The following FCRL4 variants were observed in gnomAD, a reference collection of about 807,000 sequenced individuals.
FCRL4 encodes Fc receptor like 4, also known as Fc receptor-like protein 4.
A neutral mutation model predicts 64.1 loss-of-function variants in FCRL4; 43 were observed. That is an observed-to-expected ratio of 0.67 (90% CI 0.53 to 0.87). The LOEUF (loss-of-function observed/expected upper bound fraction) is 0.87. FCRL4 is among the 40% of genes least tolerant of loss of function. FCRL4 has a pLI of 0.00. For missense variants in FCRL4, 656 were observed against 613.5 expected, an observed-to-expected ratio of 1.07 and a Z score of -0.73; for synonymous variants, 253 against 239.8, an observed-to-expected ratio of 1.05 and a Z score of -0.51.
At chr1:157,595,819 G>C (rs1652949734) in intron 2 of FCRL4, among the ~76,000 whole-genome samples, 1 of 152,164 alleles carries the variant, frequency 6.6e-6, no homozygotes, top group South Asian at 2.1e-4. Context: ...ATAGAGGATG[G>C]GACTTTTTGC....
chr1:157,589,252 C>A lies in FCRL4; in HGVS notation c.259G>T (p.Ala87Ser). 6.2e-7 allele frequency: 1 copy of A among 1,614,148 alleles called. No homozygotes were observed. Among genetic ancestry groups the A allele is most frequent in the East Asian group, 2.2e-5 (1 of 44,878 alleles). Residue 87 changes from alanine (A) to serine (S), a missense_variant, in exon 3 of 12, where the codon GCC becomes TCC. By Grantham distance (99) the Ala-to-Ser change is moderately conservative (BLOSUM62 1). Coordinates refer to ENST00000271532, the MANE Select transcript of FCRL4 (RefSeq NM_031282.3). ...GGGTTACTTCGTGGGGAGCCCCGGGCCTGGCATCTGTACAGTCCAGATTCC... is the reference window on the plus strand; with the variant it reads ...GGGTTACTTCGTGGGGAGCCCCGGGACTGGCATCTGTACAGTCCAGATTCC... ...VRESGLYRCQ[A>S]RGSPRSNPVR...
chr1:157,586,387 G>C lies in FCRL4; in HGVS notation c.916C>G (p.Leu306Val). ...SGGQAVEGEM[L>V]VLVCSVAEGT... Reference sequence around the variant, plus strand: ...TCAGCCACGGAGCAGACAAGGACCAGCATCTCCCCTTCAACAGCCTGGCCC... The same window carrying C: ...TCAGCCACGGAGCAGACAAGGACCACCATCTCCCCTTCAACAGCCTGGCCC... The change falls in exon 6 of 12, where the codon CTG (leucine) becomes GTG (valine). Residue 306 changes from leucine (L) to valine (V), a missense_variant. Coordinates refer to ENST00000271532, the MANE Select transcript of FCRL4 (RefSeq NM_031282.3). 6.2e-7 allele frequency: 1 copy of C among 1,613,240 alleles called. No homozygotes were observed.
At chr1:157,597,851 G>C in intron 1 of FCRL4, 63 bp downstream of exon 1, 1 of 1,361,712 alleles carries the variant, frequency 7.3e-7, no homozygotes, top group East Asian at 2.3e-5. Context: ...GCAGAAAAGA[G>C]GGCTTTTGCT....
At chr1:157,588,948 T>G (rs969715101) in intron 3 of FCRL4, among the ~76,000 whole-genome samples, 9 of 152,254 alleles carry the variant, frequency 5.9e-5, no homozygotes, top group African/African-American at 2.2e-4. Flanking sequence ...CAGCTTCATT[T>G]TTGTACTCCC....
At chr1:157,595,775 A>G (rs941162647) in intron 2 of FCRL4, among the ~76,000 whole-genome samples, 1 of 152,210 alleles carries the variant, frequency 6.6e-6, no homozygotes, top group Non-Finnish European at 1.5e-5. Flanking sequence ...GGTGCTCTAT[A>G]GGAATGGCCA....
intron 8 of FCRL4, among the ~76,000 whole-genome samples, 164 bp downstream of exon 8, chr1:157,580,157 A>T (rs185697726): frequency 5.3e-5 from 8 of 152,364 alleles, no homozygotes; most frequent in Admixed American, 5.2e-4. Context: ...CTGACAAGCA[A>T]AGTTCTAGGA....
rs374057011 is a variant in FCRL4, at chr1:157,587,895, T to G, written c.532A>C (p.Arg178=). 179 of 1,608,640 alleles carry G rather than the reference T, an allele frequency of 1.1e-4. 1 individual carries two copies. The highest frequency in any genetic ancestry group is 1.5e-4 in the Non-Finnish European group (173 of 1,176,040). Residue 178 remains arginine (R), a synonymous_variant, in exon 4 of 12, where the codon AGA becomes CGA. Transcript: ENST00000271532. ...ATTTTAATTATTTTGAAATTTGATC[T>G]AAATACATCATTCTCGTCTCCATAT... is the stretch of plus-strand genomic sequence containing the variant. ...IGYGDENDVF[R]SNFKIIKIQE...
chr1:157,578,856 T>C lies in FCRL4; in HGVS notation c.1278-4A>G. The stretch of plus-strand genomic sequence containing the variant: ...TGGGCCTGGAGCGGGAGGGAGCCTG[T>C]GAGACACAGAAACACATAATAATCC... On this transcript the variant is annotated splice_polypyrimidine_tract_variant and splice_region_variant and intron_variant, in intron 8 of 11. Transcript: ENST00000271532. 3 of 1,610,144 alleles carry C rather than the reference T, an allele frequency of 1.9e-6. No homozygotes were observed. The highest frequency in any genetic ancestry group is 1.7e-6 in the Non-Finnish European group (2 of 1,178,016).
In FCRL4 at chr1:157,575,453, T is replaced by G. The variant is rs947524153; in HGVS notation, c.*71A>C. 7 of 1,136,870 alleles carry G rather than the reference T, an allele frequency of 6.2e-6. No individual in the cohort carries two copies. The African/African-American group carries it at 9.1e-5, about 15-fold the overall frequency. 70.4% of individuals were successfully genotyped at this position (1,136,870 alleles called of 1,614,324 possible). ...TGATCATTCCAGGGGCCGCAAGGAC[T>G]GCACTGGGCCTGGGACTTTGGACAA... On this transcript the variant is annotated 3_prime_UTR_variant, in exon 12 of 12. Coordinates refer to ENST00000271532, the MANE Select transcript of FCRL4 (RefSeq NM_031282.3).
chr1:157,588,020 T>C lies in FCRL4; in HGVS notation c.407A>G (p.Tyr136Cys). The change falls in exon 4 of 12, where the codon TAT becomes TGT. Residue 136 changes from tyrosine (Y) to cysteine (C), a missense_variant. Transcript: ENST00000271532. ...RRKEKLTAVK[Y>C]TWNGNILSIS... ...GGAAAGAATGTTTCCATTCCAAGTA[T>C]ATTTCACAGCAGTCAATTTCTCTTT... The C allele has an allele frequency of 8.7e-6, 14 of 1,613,356 alleles. No homozygotes were observed. Among genetic ancestry groups the C allele is most frequent in the Non-Finnish European group, 1.1e-5 (13 of 1,179,618 alleles).
Position 157,587,289 on chromosome 1 carries a change from C to T in FCRL4, c.834G>A (p.Gln278=). Residue 278 remains glutamine, a synonymous_variant, in exon 5 of 12, where the codon CAG becomes CAA. Transcript: ENST00000271532. The part of the protein sequence containing the change: ...GNIHKHSPSL[Q]IHVQRIPVSG... ...TCCAACACTCACGCTGCACATGGAT[C>T]TGTAGCGAGGGACTGTGCTTGTGGA... is the stretch of plus-strand genomic sequence containing the variant. 6.2e-7 allele frequency: 1 copy of T among 1,614,092 alleles called. No individual in the cohort carries two copies. The highest frequency in any genetic ancestry group is 2.2e-5 in the East Asian group (1 of 44,892).
rs1470831774 is a variant in FCRL4, at chr1:157,573,857, C to T, written c.*1667G>A. On this transcript the variant is annotated 3_prime_UTR_variant, in exon 12 of 12. Coordinates refer to ENST00000271532, the MANE Select transcript of FCRL4 (RefSeq NM_031282.3). ...TAAACTATCACTTATATCCAAAACA[C>T]ACAACAATTTCTTAATATTAGTATA... is the stretch of plus-strand genomic sequence containing the variant. 1 of 192,944 alleles carries T rather than the reference C, an allele frequency of 5.2e-6. No individual in the cohort carries two copies. Among genetic ancestry groups the T allele is most frequent in the African/African-American group, 2.3e-5 (1 of 42,806 alleles). The allele number at this position is 192,944 out of a possible 1,614,324, so 12.0% of individuals were successfully genotyped here. A position where few individuals can be genotyped will look rare whatever the true frequency, so the allele number is the denominator to read the frequency against.
intron 8 of FCRL4, among the ~76,000 whole-genome samples, 175 bp from the exon 9 acceptor site, chr1:157,579,027 A>G (rs1652484685): frequency 6.6e-6 from 1 of 152,148 alleles, no homozygotes; most frequent in South Asian, 2.1e-4. Flanking sequence ...ATAGAGTGAG[A>G]CTGTTCTTTT....
chr1:157,592,539 C>A (rs569878592), intron 2 of FCRL4, among the ~76,000 whole-genome samples: 1 of 152,134 alleles, frequency 6.6e-6, no homozygotes, highest in Admixed American at 6.5e-5. Flanking sequence ...CAATGAGATA[C>A]CATCTCATGC....
intron 7 of FCRL4, 99 bp downstream of exon 7, chr1:157,581,432 G>A (rs1374057358): frequency 4.4e-6 from 4 of 913,412 alleles, no homozygotes; most frequent in Non-Finnish European, 6.9e-6. Flanking sequence ...TGGGAGTGGA[G>A]ACTTGGGAGT....
At chr1:157,590,062 T>G (rs1652805502) in intron 2 of FCRL4, among the ~76,000 whole-genome samples, 1 of 152,218 alleles carries the variant, frequency 6.6e-6, no homozygotes, top group Non-Finnish European at 1.5e-5. Context: ...GGAAGACTCT[T>G]GACAACTTTC....
intron 6 of FCRL4, among the ~76,000 whole-genome samples, chr1:157,583,171 G>C (rs764749849): frequency 1.3e-5 from 2 of 152,166 alleles, no homozygotes; most frequent in Non-Finnish European, 2.9e-5. Context: ...ATTTACTGTT[G>C]TAAATGAGTT....
chr1:157,593,174 A>G (rs1288196066), intron 2 of FCRL4, among the ~76,000 whole-genome samples: 1 of 152,212 alleles, frequency 6.6e-6, no homozygotes, highest in Non-Finnish European at 1.5e-5. Context: ...AACATGGCAC[A>G]TGTATGCATA....
intron 10 of FCRL4, among the ~76,000 whole-genome samples, chr1:157,576,644 A>C (rs964946685): frequency 6.6e-6 from 1 of 152,250 alleles, no homozygotes; most frequent in African/African-American, 2.4e-5. Flanking sequence ...GAAGAAAAGC[A>C]AAATTATCAA....
Sources: allele counts gnomAD v4.1 joint callset (sites outside exome capture counted in the v4.1 genomes callset), GRCh38; gene constraint gnomAD v4.1.1; transcripts MANE v1.5; gene names NCBI Gene and HGNC (gene_info 2026-07-23, HGNC 2026-07-21).